LUZP2: variants seen among roughly 807,000 people sequenced by gnomAD.
The protein encoded by LUZP2 is leucine zipper protein 2.
In LUZP2, 52 loss-of-function variants were observed where a neutral mutation model predicts 51.6. The ratio of observed to expected loss-of-function variants is 1.01; its 90% CI spans 0.81 to 1.27. LUZP2 has a LOEUF of 1.27. Ranked by LOEUF, LUZP2 falls within the 50% of genes most tolerant of loss-of-function variation. The pLI is 0.00. For missense variants in LUZP2, 436 were observed against 395.4 expected (o/e 1.10, Z -0.87); for synonymous variants, 154 against 137.3 (o/e 1.12, Z -0.85).
chr11:24,589,932 G>T (rs1388954985), intron 1 of LUZP2, among the ~76,000 whole-genome samples: 1 of 7,236 alleles, frequency 1.4e-4, no homozygotes, highest in East Asian at 0.042. Flanking sequence ...AGTAATTGGG[G>T]TTTGAAAAAA....
intron 7 of LUZP2, among the ~76,000 whole-genome samples, chr11:24,925,569 C>G (rs1259077380): frequency 6.6e-6 from 1 of 151,936 alleles, no homozygotes; most frequent in East Asian, 1.9e-4. Context: ...TATTCACTAG[C>G]TAATGGAGAG....
chr11:24,568,860 T>C (rs2133794592), intron 1 of LUZP2, among the ~76,000 whole-genome samples: 1 of 152,194 alleles, frequency 6.6e-6, no homozygotes, highest in South Asian at 2.1e-4. Context: ...CCGTTGCTTC[T>C]TTGAAATTTT....
rs532975964 is a variant in LUZP2 at position 24,722,638 on chromosome 11, C to T, written c.63-6531C>T. ...CCATTAAGAGATTGAAAATTCAGGG[C>T]CAGGCACAGTGGTTCATTCTTGTAA... On this transcript the variant is annotated intron_variant, in intron 1 of 11. Transcript: ENST00000336930. Among the ~76,000 whole-genome samples, 9 of 152,160 alleles carry T rather than the reference C, an allele frequency of 5.9e-5. No individual in the cohort carries two copies. In the South Asian group the frequency reaches 1.9e-3, roughly 32 times the overall value.
intron 1 of LUZP2, among the ~76,000 whole-genome samples, chr11:24,638,774 A>G (rs1240382748): frequency 6.6e-6 from 1 of 151,728 alleles, no homozygotes; most frequent in Non-Finnish European, 1.5e-5. Context: ...AAATTGATAC[A>G]TTAACTAACC....
At chr11:24,622,569 C>T (rs1590255543) in intron 1 of LUZP2, among the ~76,000 whole-genome samples, 1 of 152,188 alleles carries the variant, frequency 6.6e-6, no homozygotes, top group Non-Finnish European at 1.5e-5. Context: ...GGTCTTATCA[C>T]AATGATAATC....
chr11:24,956,940 A>G (rs764456477), intron 7 of LUZP2, among the ~76,000 whole-genome samples: 1 of 152,180 alleles, frequency 6.6e-6, no homozygotes, highest in African/African-American at 2.4e-5. Context: ...AAATTAGAAT[A>G]CAAACACCAA....
At chr11:24,914,597 A>G (rs552871543) in intron 7 of LUZP2, 59 bp downstream of exon 7, 1 of 1,130,366 alleles carries the variant, frequency 8.8e-7, no homozygotes, top group African/African-American at 1.6e-5. Context: ...AAAATATCAA[A>G]AACATTATTT....
At chr11:25,016,896 G>GTA (rs1355638387) in intron 9 of LUZP2, among the ~76,000 whole-genome samples, 4 of 151,782 alleles carry the variant, frequency 2.6e-5, no homozygotes, top group Non-Finnish European at 5.9e-5. Flanking sequence ...CACCAGCAAT[G>GTA]TATAAGCATC....
chr11:25,076,676 A>G (rs1859314929), intron 10 of LUZP2, among the ~76,000 whole-genome samples: 1 of 137,876 alleles, frequency 7.3e-6, no homozygotes, highest in African/African-American at 2.7e-5. Flanking sequence ...GGAGGGAGGG[A>G]GGGAGGATTG....
intron 1 of LUZP2, among the ~76,000 whole-genome samples, chr11:24,634,818 C>CA (rs1855022325): frequency 6.6e-6 from 1 of 152,002 alleles, no homozygotes; most frequent in African/African-American, 2.4e-5. Context: ...TTTAAAAACA[C>CA]AACATCAAAT....
intron 1 of LUZP2, among the ~76,000 whole-genome samples, chr11:24,604,641 CT>C (rs1323992104): frequency 1.3e-5 from 2 of 151,846 alleles, no homozygotes; most frequent in Non-Finnish European, 2.9e-5. Context: ...AATTTTAGCT[CT>C]GTCATTTACC....
intron 1 of LUZP2, among the ~76,000 whole-genome samples, chr11:24,511,047 C>A (rs2133775630): frequency 6.6e-6 from 1 of 152,246 alleles, no homozygotes; most frequent in South Asian, 2.1e-4. Context: ...AGTAGCTGGT[C>A]CCATATAAAA....
At chr11:24,660,500 A>C (rs1339951451) in intron 1 of LUZP2, among the ~76,000 whole-genome samples, 1 of 152,164 alleles carries the variant, frequency 6.6e-6, no homozygotes, top group African/African-American at 2.4e-5. Flanking sequence ...TAGATTAATA[A>C]AAATAATGAT....
At chr11:24,566,385 A>G (rs1047227176) in intron 1 of LUZP2, among the ~76,000 whole-genome samples, 3 of 142,744 alleles carry the variant, frequency 2.1e-5, no homozygotes, top group Non-Finnish European at 1.5e-5. Flanking sequence ...GCTGAAGTGC[A>G]GTGGCGTGAT....
intron 9 of LUZP2, among the ~76,000 whole-genome samples, chr11:25,039,058 A>C (rs1032787179): frequency 2.0e-5 from 3 of 151,832 alleles, no homozygotes; most frequent in African/African-American, 4.8e-5. Context: ...GAGAGAGGTA[A>C]CCCCCCTCAC....
chr11:24,745,167 A>C (rs1356696906), intron 4 of LUZP2, among the ~76,000 whole-genome samples: 1 of 152,126 alleles, frequency 6.6e-6, no homozygotes, highest in African/African-American at 2.4e-5. Flanking sequence ...GCGCTGTTGA[A>C]TAGAATGTAT....
chr11:25,039,898 T>C (rs1857987648), intron 9 of LUZP2, among the ~76,000 whole-genome samples: 1 of 152,210 alleles, frequency 6.6e-6, no homozygotes, highest in Non-Finnish European at 1.5e-5. Flanking sequence ...TCATCTTTTT[T>C]GAAAAATTGT....
chr11:24,520,589 C>G (rs1350814413), intron 1 of LUZP2, among the ~76,000 whole-genome samples: 1 of 152,212 alleles, frequency 6.6e-6, no homozygotes, highest in East Asian at 1.9e-4. Flanking sequence ...TCTTGTCTTT[C>G]ATTCACATGT....
intron 5 of LUZP2, among the ~76,000 whole-genome samples, chr11:24,880,810 C>T (rs976222034): frequency 6.6e-6 from 1 of 151,742 alleles, no homozygotes; most frequent in Non-Finnish European, 1.5e-5. Context: ...GGATGTTTTA[C>T]CCAATGCTAG....
Sources: gnomAD v4.1 joint callset for allele counts (sites outside exome capture counted in the v4.1 genomes callset) on GRCh38, gnomAD v4.1.1 for gene constraint, MANE v1.5 for transcripts, NCBI Gene and HGNC (gene_info 2026-07-23, HGNC 2026-07-21) for gene names.